KDM3B: variants seen among roughly 807,000 people sequenced by gnomAD.
KDM3B encodes the protein lysine demethylase 3B.
A neutral mutation model predicts 170.0 loss-of-function variants in KDM3B; 10 were observed. The observed-to-expected ratio is 0.06, with a 90% CI of 0.04 to 0.10. KDM3B has a LOEUF of 0.10. KDM3B is among the 10% of genes least tolerant of loss of function. The pLI is 1.00. For synonymous variants in KDM3B, 831 were observed against 834.8 expected (o/e 1.00, Z 0.08); for missense variants, 1,394 against 2,195.2 (o/e 0.64, Z 7.29).
At chr5:138,388,236 GAA>G (rs1370140256) in intron 7 of KDM3B, among the ~76,000 whole-genome samples, 1 of 152,170 alleles carries the variant, frequency 6.6e-6, no homozygotes, top group Non-Finnish European at 1.5e-5. Flanking sequence ...AATTCAGATT[GAA>G]AGAGTATTTT....
At chr5:138,409,122 A>G (rs1215032678) in intron 11 of KDM3B, among the ~76,000 whole-genome samples, 11 of 152,246 alleles carry the variant, frequency 7.2e-5, no homozygotes, top group Admixed American at 2.6e-4. Context: ...AGGTTCAGGA[A>G]CAAAGCAAGG....
intron 6 of KDM3B, among the ~76,000 whole-genome samples, chr5:138,385,642 G>A (rs868806314): frequency 6.6e-6 from 1 of 152,182 alleles, no homozygotes; most frequent in African/African-American, 2.4e-5. Context: ...CAAGCAAGGA[G>A]GTAAATATGT....
intron 3 of KDM3B, among the ~76,000 whole-genome samples, chr5:138,376,287 A>C (rs539962760): frequency 2.0e-5 from 3 of 152,196 alleles, no homozygotes; most frequent in African/African-American, 7.2e-5. Context: ...CTCCCTGTGC[A>C]TTTTAAAGTT....
At chr5:138,372,311 G>T (rs928246101) in intron 1 of KDM3B, among the ~76,000 whole-genome samples, 1 of 152,224 alleles carries the variant, frequency 6.6e-6, no homozygotes, top group Non-Finnish European at 1.5e-5. Context: ...AAGTATGCCA[G>T]ATTCCTTTCT....
intron 16 of KDM3B, among the ~76,000 whole-genome samples, chr5:138,425,207 G>A (rs1402584424): frequency 6.6e-6 from 1 of 152,202 alleles, no homozygotes; most frequent in Non-Finnish European, 1.5e-5. Context: ...CCCAGGGTGA[G>A]AATGAAGCAT....
intron 21 of KDM3B, 127 bp from the exon 22 acceptor site, chr5:138,430,122 T>C (rs928508816): frequency 7.4e-7 from 1 of 1,353,710 alleles, no homozygotes; most frequent in Non-Finnish European, 1.0e-6. Flanking sequence ...AATCCACACC[T>C]AGAGGATGTT....
intron 6 of KDM3B, among the ~76,000 whole-genome samples, chr5:138,384,660 GC>G (rs1489321337): frequency 6.6e-6 from 1 of 150,496 alleles, no homozygotes; most frequent in Non-Finnish European, 1.5e-5. Flanking sequence ...ATTCGCTTGA[GC>G]CTAGGAGGCG....
intron 15 of KDM3B, among the ~76,000 whole-genome samples, chr5:138,421,442 G>C (rs893372975): frequency 1.3e-5 from 2 of 152,168 alleles, no homozygotes; most frequent in Non-Finnish European, 2.9e-5. Context: ...GGACTCGCCT[G>C]TCTTACCTTT....
Position 138,373,560 on chromosome 5 carries a change from G to A in KDM3B, c.360+719G>A, listed in dbSNP as rs144893510. On this transcript the variant is annotated intron_variant, in intron 2 of 23. Coordinates refer to ENST00000314358, the MANE Select transcript of KDM3B (RefSeq NM_016604.4). The stretch of plus-strand genomic sequence containing the variant: ...GAGCTCGGTGCAATCAGAGCTCACC[G>A]CAACCTCTGACCCCCAGGCTTAAGC... Among the ~76,000 whole-genome samples the A allele has an allele frequency of 1.8e-3, 273 of 151,860 alleles. 4 individuals are homozygous for A. The Middle Eastern group carries it at 0.02, about 11-fold the overall frequency.
chr5:138,356,024 A>G (rs1761439774), intron 1 of KDM3B, among the ~76,000 whole-genome samples: 1 of 152,302 alleles, frequency 6.6e-6, no homozygotes, highest in Admixed American at 6.5e-5. Context: ...ATTTGACAGT[A>G]TACCATGGGG....
chr5:138,418,513 G>T (rs1033548675), intron 13 of KDM3B, among the ~76,000 whole-genome samples: 15 of 152,182 alleles, frequency 9.9e-5, no homozygotes, highest in Non-Finnish European at 1.6e-4. Flanking sequence ...ATTTTCAGTA[G>T]AGTTGACTAT....
intron 4 of KDM3B, 34 bp from the exon 5 acceptor site, chr5:138,379,550 A>C (rs748089009): frequency 6.4e-7 from 1 of 1,569,204 alleles, no homozygotes; most frequent in Non-Finnish European, 8.6e-7. Context: ...TAGCTTAGCC[A>C]AAAATACTCA....
chr5:138,384,826 G>A (rs1762217324), intron 6 of KDM3B, among the ~76,000 whole-genome samples: 3 of 149,524 alleles, frequency 2.0e-5, no homozygotes. Flanking sequence ...AGGCAAGACA[G>A]TCACTTGAAC....
At chr5:138,383,592 C>CT (rs929169920) in intron 6 of KDM3B, among the ~76,000 whole-genome samples, 3 of 152,110 alleles carry the variant, frequency 2.0e-5, no homozygotes, top group Admixed American at 2.0e-4. Context: ...ACCTCATCTC[C>CT]TTTAAGTATG....
At chr5:138,383,710 G>T (rs2126938020) in intron 6 of KDM3B, among the ~76,000 whole-genome samples, 1 of 152,296 alleles carries the variant, frequency 6.6e-6, no homozygotes, top group Non-Finnish European at 1.5e-5. Context: ...AAAATCAAAA[G>T]AGGCCGAGGC....
rs996207606 is a variant in KDM3B at position 138,435,795 on chromosome 5, T to C, written c.*95T>C. On this transcript the variant is annotated 3_prime_UTR_variant, in exon 24 of 24. Coordinates refer to ENST00000314358, the MANE Select transcript of KDM3B (RefSeq NM_016604.4). The stretch of plus-strand genomic sequence containing the variant: ...GGCTCTTTGCTGGAGCAGAGGCCCT[T>C]CACCCAGAGCCAGTGTGGTCAGTAT... 1.1e-6 allele frequency: 1 copy of C among 939,946 alleles called. No homozygotes were observed. Among genetic ancestry groups the C allele is most frequent in the Non-Finnish European group, 1.7e-6 (1 of 599,070 alleles). The allele number at this position is 939,946 out of a possible 1,614,324, so 58.2% of individuals were successfully genotyped here.
At chr5:138,423,786 T>A (rs1034989013) in intron 15 of KDM3B, among the ~76,000 whole-genome samples, 1 of 152,256 alleles carries the variant, frequency 6.6e-6, no homozygotes, top group African/African-American at 2.4e-5. Context: ...GTGCTTTGTA[T>A]ACTGAATGGC....
At chr5:138,410,863 CT>C (rs879269433) in intron 11 of KDM3B, among the ~76,000 whole-genome samples, 22 of 152,202 alleles carry the variant, frequency 1.4e-4, no homozygotes, top group African/African-American at 2.9e-4. Flanking sequence ...ATATCAGAGA[CT>C]TTTAGTACTT....
intron 11 of KDM3B, among the ~76,000 whole-genome samples, chr5:138,411,214 T>C (rs1481019900): frequency 1.3e-5 from 2 of 152,238 alleles, no homozygotes; most frequent in African/African-American, 4.8e-5. Flanking sequence ...AGCCCTCTGG[T>C]GGCCCTGTCC....
Sources: allele counts gnomAD v4.1 joint callset (sites outside exome capture counted in the v4.1 genomes callset), GRCh38; gene constraint gnomAD v4.1.1; transcripts MANE v1.5; gene names NCBI Gene and HGNC (gene_info 2026-07-23, HGNC 2026-07-21).